DSCAM: variants seen among roughly 807,000 people sequenced by gnomAD.
The protein encoded by DSCAM is DS cell adhesion molecule.
DSCAM carries 47 observed loss-of-function variants against 217.7 expected under a neutral mutation model. The ratio of observed to expected loss-of-function variants is 0.22; its 90% CI spans 0.17 to 0.28. The LOEUF is 0.28. Among genes scored for constraint, DSCAM ranks in the 10% least tolerant of loss-of-function variants. The pLI, the probability that DSCAM is intolerant of heterozygous loss-of-function variation, is 1.00. For missense variants in DSCAM, 2,080 were observed against 2,618.3 expected (o/e 0.79, Z 4.49); for synonymous variants, 1,056 against 1,015.3 (o/e 1.04, Z -0.76).
chr21:40,134,542 T>G (rs889308219), intron 18 of DSCAM, among the ~76,000 whole-genome samples: 1 of 152,216 alleles, frequency 6.6e-6, no homozygotes, highest in African/African-American at 2.4e-5. Flanking sequence ...CTTCAGCAAG[T>G]TTCAAGTCTA....
At chr21:40,252,756 C>T (rs778828175) in intron 11 of DSCAM, among the ~76,000 whole-genome samples, 1 of 152,146 alleles carries the variant, frequency 6.6e-6, no homozygotes, top group Non-Finnish European at 1.5e-5. Flanking sequence ...TTTTTCAAGA[C>T]TATGGGAACC....
intron 20 of DSCAM, among the ~76,000 whole-genome samples, chr21:40,097,605 T>G (rs2089691492): frequency 6.6e-6 from 1 of 152,136 alleles, no homozygotes; most frequent in Non-Finnish European, 1.5e-5. Context: ...TTGTCAGACC[T>G]GATATAAAAG....
Position 40,499,694 on chromosome 21 carries a change from T to C in DSCAM, c.509-130449A>G, listed in dbSNP as rs574328466. Among the ~76,000 whole-genome samples, 157 of 152,348 alleles carry C rather than the reference T, an allele frequency of 1.0e-3. 1 individual carries two copies. Among genetic ancestry groups the C allele is most frequent in the African/African-American group, 3.4e-3 (143 of 41,590 alleles). Reference sequence around the variant, plus strand: ...CAGAAATGCAATTAAATTTAGCAAATATTTTTTGAAAACTTCTCAGATGCA... The same window carrying C: ...CAGAAATGCAATTAAATTTAGCAAACATTTTTTGAAAACTTCTCAGATGCA... On this transcript the variant is annotated intron_variant, in intron 3 of 32. Coordinates refer to ENST00000400454, the MANE Select transcript of DSCAM (RefSeq NM_001389.5).
chr21:40,293,196 G>C (rs555277192), intron 10 of DSCAM, among the ~76,000 whole-genome samples: 1 of 152,238 alleles, frequency 6.6e-6, no homozygotes, highest in African/African-American at 2.4e-5. Context: ...TTTATAGCCA[G>C]GGGCGACCCG....
intron 1 of DSCAM, among the ~76,000 whole-genome samples, chr21:40,824,402 G>T (rs920802889): frequency 2.3e-4 from 27 of 116,246 alleles, no homozygotes; most frequent in African/African-American, 1.0e-3. Context: ...TTTTATTATT[G>T]ATTTTTTTTT....
rs538472630 is a variant in DSCAM at position 40,710,706 on chromosome 21, C to A, written c.44-1935G>T. ...GTGTTGGTTATGTGAAGAAATAAAA[C>A]GTGACTTCCAGAATTTACAAGTTAA... is the stretch of plus-strand genomic sequence containing the variant. On this transcript the variant is annotated intron_variant, in intron 1 of 32. Transcript: ENST00000400454. Among the ~76,000 whole-genome samples, 32 of 152,162 alleles carry A rather than the reference C, an allele frequency of 2.1e-4. No homozygotes were observed. In the South Asian group the frequency reaches 5.8e-3, roughly 28 times the overall value.
At chr21:40,254,302 G>T (rs1036924259) in intron 11 of DSCAM, among the ~76,000 whole-genome samples, 1 of 151,640 alleles carries the variant, frequency 6.6e-6, no homozygotes, top group African/African-American at 2.4e-5. Flanking sequence ...CAGGCAGGGG[G>T]AGGGTGGAAT....
At chr21:40,040,198 G>T (rs543246856) in intron 32 of DSCAM, among the ~76,000 whole-genome samples, 1 of 152,286 alleles carries the variant, frequency 6.6e-6, no homozygotes, top group Non-Finnish European at 1.5e-5. Flanking sequence ...ATTTGAACTT[G>T]CATTGATTTA....
chr21:40,759,075 C>A (rs1292128656), intron 1 of DSCAM, among the ~76,000 whole-genome samples: 1 of 152,040 alleles, frequency 6.6e-6, no homozygotes, highest in Non-Finnish European at 1.5e-5. Context: ...AGTGAGGAGG[C>A]ACAAAAAGGA....
chr21:40,380,675 G>C (rs1360610188), intron 3 of DSCAM, among the ~76,000 whole-genome samples: 1 of 152,192 alleles, frequency 6.6e-6, no homozygotes, highest in Non-Finnish European at 1.5e-5. Context: ...ATTATTCATG[G>C]ATAAGTAGAG....
chr21:40,547,555 C>G (rs150130451), intron 3 of DSCAM, among the ~76,000 whole-genome samples: 42 of 152,238 alleles, frequency 2.8e-4, no homozygotes, highest in African/African-American at 1.0e-3. Flanking sequence ...ACAGAAAAAT[C>G]GGGAGACAGA....
At chr21:40,454,268 C>A (rs1354824842) in intron 3 of DSCAM, among the ~76,000 whole-genome samples, 1 of 152,160 alleles carries the variant, frequency 6.6e-6, no homozygotes, top group African/African-American at 2.4e-5. Context: ...AGAAACTCAG[C>A]CTAGTCACGT....
rs35778831 is a variant in DSCAM at position 40,574,706 on chromosome 21, A to AT, written c.508+118103dup. ...AAAAGAGAATCACATAAGGTGCCTGATTTTTTTTTTTTTTTTTTTTGAGAC... is the reference window on the plus strand; with the variant it reads ...AAAAGAGAATCACATAAGGTGCCTGATTTTTTTTTTTTTTTTTTTTTGAGAC... On this transcript the variant is annotated intron_variant, in intron 3 of 32. Coordinates refer to ENST00000400454, the MANE Select transcript of DSCAM (RefSeq NM_001389.5). Among the ~76,000 whole-genome samples, 474 of 127,616 alleles carry AT rather than the reference A, an allele frequency of 3.7e-3. 3 individuals carry two copies. Among genetic ancestry groups the AT allele is most frequent in the East Asian group, 0.016 (70 of 4,372 alleles). 83.7% of individuals were successfully genotyped at this position (127,616 alleles called of 152,430 possible).
At chr21:40,193,922 T>C (rs2090980829) in intron 11 of DSCAM, among the ~76,000 whole-genome samples, 1 of 152,214 alleles carries the variant, frequency 6.6e-6, no homozygotes, top group Non-Finnish European at 1.5e-5. Flanking sequence ...AGGCTGGTGT[T>C]GACCCAGAAT....
intron 1 of DSCAM, among the ~76,000 whole-genome samples, chr21:40,801,176 C>T (rs1467786774): frequency 6.6e-6 from 1 of 152,074 alleles, no homozygotes; most frequent in Non-Finnish European, 1.5e-5. Context: ...TGGTCTCGAA[C>T]TCCTGACCTT....
intron 3 of DSCAM, among the ~76,000 whole-genome samples, chr21:40,580,262 G>A (rs992684476): frequency 3.9e-4 from 60 of 151,944 alleles, no homozygotes; most frequent in Admixed American, 3.8e-3. Flanking sequence ...CCTGGTCGGG[G>A]TGGCTCACGT....
intron 20 of DSCAM, among the ~76,000 whole-genome samples, chr21:40,105,929 C>T (rs1392708967): frequency 2.0e-5 from 3 of 152,098 alleles, no homozygotes; most frequent in African/African-American, 7.2e-5. Context: ...TATGTTGAAC[C>T]AACCTTGCAT....
At chr21:40,424,143 C>T (rs1457121983) in intron 3 of DSCAM, among the ~76,000 whole-genome samples, 1 of 152,180 alleles carries the variant, frequency 6.6e-6, no homozygotes, top group Non-Finnish European at 1.5e-5. Context: ...AGCCTAGCAG[C>T]ATGACGTACC....
At chr21:40,711,976 T>C (rs2090785178) in intron 1 of DSCAM, among the ~76,000 whole-genome samples, 1 of 152,178 alleles carries the variant, frequency 6.6e-6, no homozygotes, top group Non-Finnish European at 1.5e-5. Context: ...TCTACAACCA[T>C]GTCTTTCTGA....
Sources: allele counts gnomAD v4.1 joint callset (sites outside exome capture counted in the v4.1 genomes callset), GRCh38; gene constraint gnomAD v4.1.1; transcripts MANE v1.5; gene names NCBI Gene and HGNC (gene_info 2026-07-23, HGNC 2026-07-21).